FOXN3: variants seen among roughly 807,000 people sequenced by gnomAD.
FOXN3 encodes forkhead box N3.
Under a neutral mutation model 38.4 loss-of-function variants are expected in FOXN3, and 7 were observed. The ratio of observed to expected loss-of-function variants is 0.18; its 90% CI spans 0.10 to 0.34. The LOEUF is 0.34. Among genes scored for constraint, FOXN3 ranks in the 10% least tolerant of loss-of-function variants. The pLI, the probability that FOXN3 is intolerant of heterozygous loss-of-function variation, is 1.00. For synonymous variants in FOXN3, 230 were observed against 242.2 expected (o/e 0.95, Z 0.47); for missense variants, 456 against 613.4 (o/e 0.74, Z 2.71).
intron 3 of FOXN3, among the ~76,000 whole-genome samples, chr14:89,317,931 A>T (rs1334368909): frequency 6.7e-6 from 1 of 149,356 alleles, no homozygotes; most frequent in Non-Finnish European, 1.5e-5. Flanking sequence ...TCCTTATGGG[A>T]ATCTAACTAA....
intron 4 of FOXN3, among the ~76,000 whole-genome samples, chr14:89,268,030 T>TAC (rs1043910537): frequency 6.6e-6 from 1 of 152,022 alleles, no homozygotes; most frequent in Non-Finnish European, 1.5e-5. Context: ...TACACACACA[T>TAC]ACACACACAC....
chr14:89,503,185 C>T (rs1207117163), intron 1 of FOXN3, among the ~76,000 whole-genome samples: 2 of 152,154 alleles, frequency 1.3e-5, no homozygotes, highest in African/African-American at 4.8e-5. Flanking sequence ...CCAAAGACTC[C>T]ATGACCCATT....
chr14:89,170,539 G>C (rs941967161), intron 5 of FOXN3, among the ~76,000 whole-genome samples: 1 of 152,114 alleles, frequency 6.6e-6, no homozygotes, highest in African/African-American at 2.4e-5. Flanking sequence ...GCCTCCCAAA[G>C]TGCTGGGATT....
rs552255753 is a variant in FOXN3 at position 89,383,596 on chromosome 14, G to A, written c.543+28338C>T. Among the ~76,000 whole-genome samples, 41 of 152,228 alleles carry A rather than the reference G, an allele frequency of 2.7e-4. 1 individual carries two copies. Among genetic ancestry groups the A allele is most frequent in the African/African-American group, 7.2e-4 (30 of 41,542 alleles). On this transcript the variant is annotated intron_variant, in intron 2 of 5. Coordinates refer to ENST00000557258, the MANE Select transcript of FOXN3 (RefSeq NM_005197.4). Reference sequence around the variant, plus strand: ...TCCTGGCTTCTGGCGGCCCCCGGCCGATCTTGGCACTCCCTGGCTCACCCC... The same window carrying A: ...TCCTGGCTTCTGGCGGCCCCCGGCCAATCTTGGCACTCCCTGGCTCACCCC...
chr14:89,397,441 T>TAAAA (rs35139656), intron 2 of FOXN3, among the ~76,000 whole-genome samples: 1 of 120,660 alleles, frequency 8.3e-6, no homozygotes, highest in Non-Finnish European at 1.8e-5. Context: ...AAATAAAAGT[T>TAAAA]AAAAAAAAAA....
intron 1 of FOXN3, among the ~76,000 whole-genome samples, chr14:89,500,104 C>T (rs1893765487): frequency 6.6e-6 from 1 of 152,112 alleles, no homozygotes; most frequent in African/African-American, 2.4e-5. Flanking sequence ...CCACCTGCCT[C>T]GGCCTCCCAA....
rs527701015 is a variant in FOXN3, at chr14:89,476,047, G to A, written c.-14-63557C>T. ...CTGTGGTATTTGGGGTGGGGGTGCCGTGGGAGGGGTAGGCAAAGGCAATTA... is the reference window on the plus strand; with the variant it reads ...CTGTGGTATTTGGGGTGGGGGTGCCATGGGAGGGGTAGGCAAAGGCAATTA... On this transcript the variant is annotated intron_variant, in intron 1 of 6. Transcript: ENST00000345097. Among the ~76,000 whole-genome samples the A allele has an allele frequency of 5.9e-5, 9 of 152,282 alleles. No homozygotes were observed. The South Asian group carries it at 8.3e-4, about 14-fold the overall frequency.
At chr14:89,225,195 C>G (rs529224160) in intron 4 of FOXN3, among the ~76,000 whole-genome samples, 1 of 151,488 alleles carries the variant, frequency 6.6e-6, no homozygotes, top group South Asian at 2.1e-4. Flanking sequence ...GTCCCAGCTA[C>G]CTGGGAGGCT....
chr14:89,253,375 C>T (rs1240976591), intron 4 of FOXN3, among the ~76,000 whole-genome samples: 1 of 152,154 alleles, frequency 6.6e-6, no homozygotes, highest in Non-Finnish European at 1.5e-5. Flanking sequence ...TTTGCATGGC[C>T]TCAAGGTGGA....
At chr14:89,171,766 C>T (rs183571175) in intron 5 of FOXN3, among the ~76,000 whole-genome samples, 21 of 152,102 alleles carry the variant, frequency 1.4e-4, no homozygotes, top group Non-Finnish European at 2.9e-4. Flanking sequence ...TCCTAAGAAA[C>T]CTTTAACTAA....
At chr14:89,402,710 G>A (rs568731923) in intron 2 of FOXN3, among the ~76,000 whole-genome samples, 2 of 152,310 alleles carry the variant, frequency 1.3e-5, no homozygotes, top group South Asian at 4.1e-4. Context: ...GCTAGCTGAT[G>A]CCATCTTGGA....
At chr14:89,408,858 T>A (rs1156749249) in intron 2 of FOXN3, among the ~76,000 whole-genome samples, 1 of 152,114 alleles carries the variant, frequency 6.6e-6, no homozygotes. Context: ...AACTTCAGTG[T>A]GGGAGCTCCC....
chr14:89,182,575 G>A (rs1210322360), intron 4 of FOXN3, among the ~76,000 whole-genome samples: 1 of 152,174 alleles, frequency 6.6e-6, no homozygotes, highest in Non-Finnish European at 1.5e-5. Context: ...CCTTATCTGA[G>A]GCAGGAGACT....
chr14:89,306,751 G>A (rs1408819316), intron 3 of FOXN3, among the ~76,000 whole-genome samples: 1 of 152,186 alleles, frequency 6.6e-6, no homozygotes, highest in Non-Finnish European at 1.5e-5. Context: ...TAGGACGGGG[G>A]TTGGCAAATT....
intron 3 of FOXN3, among the ~76,000 whole-genome samples, chr14:89,291,942 G>C (rs1393830569): frequency 2.0e-5 from 3 of 152,082 alleles, no homozygotes; most frequent in Non-Finnish European, 4.4e-5. Context: ...AATGTTTCCA[G>C]TTATTGCTGT....
chr14:89,557,180 C>T (rs1895145421), intron 1 of FOXN3, among the ~76,000 whole-genome samples: 1 of 152,154 alleles, frequency 6.6e-6, no homozygotes, highest in South Asian at 2.1e-4. Context: ...TTTTCATAAA[C>T]CTGAACTCAC....
At chr14:89,597,385 T>C (rs965013298) in intron 1 of FOXN3, among the ~76,000 whole-genome samples, 16 of 152,182 alleles carry the variant, frequency 1.1e-4, no homozygotes, top group Non-Finnish European at 2.2e-4. Context: ...ACTCACCAAA[T>C]AGAGAACACT....
chr14:89,527,489 C>T (rs1041516572), intron 1 of FOXN3, among the ~76,000 whole-genome samples: 39 of 152,058 alleles, frequency 2.6e-4, no homozygotes, highest in African/African-American at 9.4e-4. Context: ...TGATGAAGAA[C>T]TTATATCTAG....
chr14:89,438,884 T>C (rs1892322588), intron 1 of FOXN3, among the ~76,000 whole-genome samples: 1 of 151,904 alleles, frequency 6.6e-6, no homozygotes. Flanking sequence ...CTGCCTCAGC[T>C]TGAGTAGCTG....
Sources: allele counts gnomAD v4.1 joint callset (sites outside exome capture counted in the v4.1 genomes callset), GRCh38; gene constraint gnomAD v4.1.1; transcripts MANE v1.5; gene names NCBI Gene and HGNC (gene_info 2026-07-23, HGNC 2026-07-21).